OR10G3: variants seen among roughly 807,000 people sequenced by gnomAD.
The protein encoded by OR10G3 is olfactory receptor family 10 subfamily G member 3, also known as olfactory receptor 10G3.
OR10G3 carries 8 observed loss-of-function variants against 13.4 expected under a neutral mutation model. The observed-to-expected ratio is 0.60, with a 90% CI of 0.35 to 1.08. The LOEUF is 1.08. Among genes scored for constraint, OR10G3 ranks in the 50% least tolerant of loss-of-function variants. The probability of loss-of-function intolerance (pLI) is 0.02; values close to 1 mark genes in which losing one functional copy is unlikely to be tolerated. For synonymous variants in OR10G3, 142 were observed against 156.1 expected, an observed-to-expected ratio of 0.91 and a Z score of 0.67; for missense variants, 393 against 386.6, an observed-to-expected ratio of 1.02 and a Z score of -0.14.
intron 1 of OR10G3, among the ~76,000 whole-genome samples, chr14:21,574,032 G>A (rs968016436): frequency 2.0e-5 from 3 of 151,964 alleles, no homozygotes; most frequent in Non-Finnish European, 4.4e-5. Context: ...GGCTGGGCGC[G>A]GTGGCTGACG....
intron 1 of OR10G3, chr14:21,574,831 T>C (rs1224772098): frequency 1.3e-5 from 2 of 152,044 alleles, no homozygotes; most frequent in Non-Finnish European, 2.9e-5. Context: ...CGCACCTGTG[T>C]TCCCAGCTAC....
At chr14:21,577,424 G>C (rs2139714925) in intron 1 of OR10G3, among the ~76,000 whole-genome samples, 1 of 152,216 alleles carries the variant, frequency 6.6e-6, no homozygotes, top group African/African-American at 2.4e-5. Context: ...ACCAGATTGT[G>C]TTGTTCCTAG....
In OR10G3 at chr14:21,570,470, G is replaced by A; in HGVS notation, c.275C>T (p.Pro92Leu). ...LMMNFTLGVK[P>L]IPFGGCVAQL... ...AGCAACACAGCCACCAAATGGGATG[G>A]GTTTGACACCTAAAGTGAAGTTCAT... is the stretch of plus-strand genomic sequence containing the variant. The change falls in exon 2 of 2, where the codon CCC (proline) becomes CTC (leucine). Residue 92 changes from proline (P) to leucine (L), a missense_variant. Physicochemically the swap from Pro to Leu is moderately conservative, Grantham distance 98 (BLOSUM62 -3). Transcript: ENST00000641040. 1.2e-6 allele frequency: 2 copies of A among 1,614,152 alleles called. No homozygotes were observed. Among genetic ancestry groups the A allele is most frequent in the Non-Finnish European group, 1.7e-6 (2 of 1,180,030 alleles).
At chr14:21,573,852 A>G (rs1774192900) in intron 1 of OR10G3, among the ~76,000 whole-genome samples, 3 of 152,204 alleles carry the variant, frequency 2.0e-5, no homozygotes, top group Admixed American at 1.3e-4. Context: ...TTAGTTTGAT[A>G]CAATCATTCT....
Position 21,571,220 on chromosome 14 carries a change from C to T in OR10G3, c.-17-459G>A, listed in dbSNP as rs935109426. On this transcript the variant is annotated intron_variant, in intron 1 of 1. Coordinates refer to ENST00000641040, the MANE Select transcript of OR10G3 (RefSeq NM_001005465.2). ...ATTAGGTGCTCTGCCCGCTCAGAATCTTCCAGAGGCCACTGGCTCACTCTT... is the reference window on the plus strand; with the variant it reads ...ATTAGGTGCTCTGCCCGCTCAGAATTTTCCAGAGGCCACTGGCTCACTCTT... Among the ~76,000 whole-genome samples, 5 of 152,180 alleles carry T rather than the reference C, an allele frequency of 3.3e-5. No individual in the cohort carries two copies. In the South Asian group the frequency reaches 6.2e-4, roughly 19 times the overall value.
chr14:21,570,459 C>T lies in OR10G3; in HGVS notation c.286G>A (p.Gly96Ser). The T allele has an allele frequency of 6.2e-7, 1 of 1,614,098 alleles. No homozygotes were observed. Among genetic ancestry groups the T allele is most frequent in the South Asian group, 1.1e-5 (1 of 91,082 alleles). ...AAATAGAGTTGAGCAACACAGCCAC[C>T]AAATGGGATGGGTTTGACACCTAAA... Reference protein sequence around the residue: ...FTLGVKPIPFGGCVAQLYFYH... With the variant: ...FTLGVKPIPFSGCVAQLYFYH... Residue 96 changes from glycine (G) to serine (S), a missense_variant, in exon 2 of 2, where the codon GGT becomes AGT. Physicochemically the swap from Gly to Ser is moderately conservative, Grantham distance 56. Transcript: ENST00000641040.
At chr14:21,574,807 T>C (rs542833549) in intron 1 of OR10G3, 36 of 152,198 alleles carry the variant, frequency 2.4e-4, no homozygotes, top group African/African-American at 7.5e-4. Flanking sequence ...AAAAATTTAC[T>C]GGGCGTATTG....
intron 1 of OR10G3, among the ~76,000 whole-genome samples, chr14:21,578,036 T>A (rs1040961931): frequency 6.6e-6 from 1 of 151,828 alleles, no homozygotes; most frequent in Non-Finnish European, 1.5e-5. Flanking sequence ...GGCTTAGTAG[T>A]GTTTTTATTT....
chr14:21,570,813 G>A (rs1050634637), intron 1 of OR10G3, 52 bp from the exon 2 acceptor site: 1 of 1,050,686 alleles, frequency 9.5e-7, no homozygotes, highest in African/African-American at 1.6e-5. Context: ...GAAAGTGAGG[G>A]GGAACTAGAA....
At chr14:21,579,321 T>C (rs1344189074) in intron 1 of OR10G3, among the ~76,000 whole-genome samples, 1 of 152,220 alleles carries the variant, frequency 6.6e-6, no homozygotes, top group Admixed American at 6.5e-5. Flanking sequence ...CTTGGCTCAC[T>C]GCAACCTCCA....
intron 1 of OR10G3, among the ~76,000 whole-genome samples, chr14:21,573,365 A>T (rs957299808): frequency 6.6e-6 from 1 of 152,074 alleles, no homozygotes; most frequent in Non-Finnish European, 1.5e-5. Flanking sequence ...GAATGCAGAG[A>T]TGTTGATCAA....
Position 21,568,870 on chromosome 14 carries a change from C to A in OR10G3, c.*933G>T, listed in dbSNP as rs1893030372. The A allele has an allele frequency of 6.6e-6, 1 of 151,638 alleles. No individual in the cohort carries two copies. Among genetic ancestry groups the A allele is most frequent in the Non-Finnish European group, 1.5e-5 (1 of 67,966 alleles). 9.4% of individuals were successfully genotyped at this position (151,638 alleles called of 1,614,324 possible). A position where few individuals can be genotyped will look rare whatever the true frequency, so the allele number is the denominator to read the frequency against. ...GGGACTACAGGCGCCCGCCACCACACCCGGCTAATTTTTTTGTATTTTTAG... is the reference window on the plus strand; with the variant it reads ...GGGACTACAGGCGCCCGCCACCACAACCGGCTAATTTTTTTGTATTTTTAG... On this transcript the variant is annotated 3_prime_UTR_variant, in exon 2 of 2. Coordinates refer to ENST00000641040, the MANE Select transcript of OR10G3 (RefSeq NM_001005465.2).
chr14:21,572,961 T>C (rs1164824232), intron 1 of OR10G3, among the ~76,000 whole-genome samples: 3 of 152,202 alleles, frequency 2.0e-5, no homozygotes, highest in Admixed American at 6.5e-5. Context: ...ATAAATGGTG[T>C]TGGGAAAACT....
At chr14:21,578,467 T>C (rs957694659) in intron 1 of OR10G3, among the ~76,000 whole-genome samples, 1 of 151,914 alleles carries the variant, frequency 6.6e-6, no homozygotes, top group African/African-American at 2.4e-5. Flanking sequence ...ATCTAGTACA[T>C]GAATGTTTGA....
intron 1 of OR10G3, among the ~76,000 whole-genome samples, chr14:21,579,491 C>T (rs576909722): frequency 2.6e-5 from 4 of 152,214 alleles, no homozygotes; most frequent in African/African-American, 7.2e-5. Context: ...GTGATCCGCC[C>T]GTCTTGGCAT....
At chr14:21,572,608 C>CAAAAAAAAAAAAAAAAAAAAAA (rs397852312) in intron 1 of OR10G3, among the ~76,000 whole-genome samples, 1 of 110,512 alleles carries the variant, frequency 9.0e-6, no homozygotes. Context: ...AACAAACAAA[C>CAAAAAAAAAAAAAAAAAAAAAA]AAAAAAAAAA....
chr14:21,572,608 C>CAAA (rs397852312), intron 1 of OR10G3, among the ~76,000 whole-genome samples: 1,398 of 110,038 alleles, frequency 0.013, no homozygotes, highest in East Asian at 0.018. Context: ...AACAAACAAA[C>CAAA]AAAAAAAAAA....
Position 21,570,761 on chromosome 14 carries a change from C to A in OR10G3, c.-17G>T. ...TCTTTCCATATCCCAGAGAATCTTACCTAGAGAATGGACAAAACAAGAATT... is the reference window on the plus strand; with the variant it reads ...TCTTTCCATATCCCAGAGAATCTTAACTAGAGAATGGACAAAACAAGAATT... On this transcript the variant is annotated splice_region_variant and 5_prime_UTR_variant, in exon 2 of 2. Transcript: ENST00000641040. 1 of 1,516,080 alleles carries A rather than the reference C, an allele frequency of 6.6e-7. No individual in the cohort carries two copies. Among genetic ancestry groups the A allele is most frequent in the Non-Finnish European group, 8.9e-7 (1 of 1,127,666 alleles). The allele number at this position is 1,516,080 out of a possible 1,614,324, so 93.9% of individuals were successfully genotyped here.
At position 21,570,020 on chromosome 14, in the gene OR10G3, C is replaced by T. The variant is rs754720927; in HGVS notation, c.725G>A (p.Cys242Tyr). 2.5e-6 allele frequency: 4 copies of T among 1,614,182 alleles called. No individual in the cohort carries two copies. Among genetic ancestry groups the T allele is most frequent in the Non-Finnish European group, 8.5e-7 (1 of 1,180,028 alleles). The change falls in exon 2 of 2, where the codon TGT becomes TAT. Residue 242 changes from cysteine to tyrosine, a missense_variant. Coordinates refer to ENST00000641040, the MANE Select transcript of OR10G3 (RefSeq NM_001005465.2). ...ADGRRRAFST[C>Y]GAHVTVVTVY... is the part of the protein sequence containing the mutation. Reference sequence around the variant, plus strand: ...GGTGACCACGGTTACATGGGCTCCACAAGTTGAAAAAGCCCGGCGCCGCCC... The same window carrying T: ...GGTGACCACGGTTACATGGGCTCCATAAGTTGAAAAAGCCCGGCGCCGCCC...
Sources: allele counts gnomAD v4.1 joint callset (sites outside exome capture counted in the v4.1 genomes callset), GRCh38; gene constraint gnomAD v4.1.1; transcripts MANE v1.5; gene names NCBI Gene and HGNC (gene_info 2026-07-23, HGNC 2026-07-21).